EHBP1L1: variants seen among roughly 807,000 people sequenced by gnomAD.
The protein encoded by EHBP1L1 is EH domain binding protein 1 like 1.
A neutral mutation model predicts 151.1 loss-of-function variants in EHBP1L1; 122 were observed. That is an observed-to-expected ratio of 0.81 (90% CI 0.70 to 0.94). The LOEUF (loss-of-function observed/expected upper bound fraction) is 0.94. Among genes scored for constraint, EHBP1L1 ranks in the 40% least tolerant of loss-of-function variants. The pLI, the probability that EHBP1L1 is intolerant of heterozygous loss-of-function variation, is 0.00. For synonymous variants in EHBP1L1, 878 were observed against 810.1 expected (o/e 1.08, Z -1.42); for missense variants, 1,941 against 1,959.8 (o/e 0.99, Z 0.18).
At chr11:65,591,770 C>T (rs1858315049) in intron 16 of EHBP1L1, 30 bp from the exon 17 acceptor site, 5 of 877,570 alleles carry the variant, frequency 5.7e-6, no homozygotes, top group Non-Finnish European at 9.3e-6. Context: ...ACTGCCACCC[C>T]CCCGCCACCC....
chr11:65,592,221 G>A lies in EHBP1L1; in HGVS notation c.4491G>A (p.Glu1497=). 1 of 1,544,520 alleles carries A rather than the reference G, an allele frequency of 6.5e-7. No individual in the cohort carries two copies. Among genetic ancestry groups the A allele is most frequent in the Non-Finnish European group, 8.7e-7 (1 of 1,151,248 alleles). ...HKERIALEED[E]RLERGLEQRR... ...TCCCCAGCGCCCTGGAGGAGGACGAGCGCCTGGAGCGCGGCCTGGAACAGC... is the reference window on the plus strand; with the variant it reads ...TCCCCAGCGCCCTGGAGGAGGACGAACGCCTGGAGCGCGGCCTGGAACAGC... Residue 1497 remains glutamate (E), a synonymous_variant, in exon 19 of 19, where the codon GAG becomes GAA. Coordinates refer to ENST00000309295, the MANE Select transcript of EHBP1L1 (RefSeq NM_001099409.3).
intron 12 of EHBP1L1, among the ~76,000 whole-genome samples, chr11:65,587,507 C>T (rs980760820): frequency 6.6e-6 from 1 of 152,208 alleles, no homozygotes; most frequent in Non-Finnish European, 1.5e-5. Context: ...CCCGTCAGCT[C>T]AGCACTCTTT....
intron 1 of EHBP1L1, among the ~76,000 whole-genome samples, chr11:65,576,746 G>A (rs1029760819): frequency 6.6e-6 from 1 of 152,112 alleles, no homozygotes; most frequent in Non-Finnish European, 1.5e-5. Context: ...CATTGGAAAA[G>A]GGATCAAGTT....
chr11:65,583,337 G>A lies in EHBP1L1; in HGVS notation c.2665G>A (p.Ala889Thr). 1.2e-6 allele frequency: 2 copies of A among 1,613,724 alleles called. No individual in the cohort carries two copies. Among genetic ancestry groups the A allele is most frequent in the South Asian group, 1.1e-5 (1 of 91,072 alleles). The part of the protein sequence containing the change: ...EEAQTSGVQE[A>T]ETRVGSALKY... ...GGCTCAGACTTCGGGGGTCCAGGAA[G>A]CAGAGACTAGAGTTGGGAGTGCTCT... Residue 889 changes from alanine (A) to threonine (T), a missense_variant, in exon 9 of 19, where the codon GCA becomes ACA. Coordinates refer to ENST00000309295, the MANE Select transcript of EHBP1L1 (RefSeq NM_001099409.3).
rs1265004846 is a variant in EHBP1L1, at chr11:65,592,252, C to T, written c.4522C>T (p.Arg1508Cys). The change falls in exon 19 of 19, where the codon CGC becomes TGC. Residue 1508 changes from arginine (R) to cysteine (C), a missense_variant. Transcript: ENST00000309295. ...GGAGCGCGGCCTGGAACAGCGGCGC[C>T]GCAAGCTGAGCCGGCAGTTGAGCCG... Reference protein sequence around the residue: ...RLERGLEQRRRKLSRQLSRRE... With the variant: ...RLERGLEQRRCKLSRQLSRRE... 1.0e-5 allele frequency: 16 copies of T among 1,533,644 alleles called. No individual in the cohort carries two copies. Among genetic ancestry groups the T allele is most frequent in the Non-Finnish European group, 1.3e-5 (15 of 1,146,182 alleles).
chr11:65,590,549 A>G lies in EHBP1L1; in HGVS notation c.4240A>G (p.Lys1414Glu), dbSNP rs1858218524. 3 of 1,613,590 alleles carry G rather than the reference A, an allele frequency of 1.9e-6. No individual in the cohort carries two copies. The highest frequency in any genetic ancestry group is 2.5e-6 in the Non-Finnish European group (3 of 1,179,856). ...CCAGGAGTGGTTCACCCTGGTCAACAAGAAGAACGCTCTCATCCGGAGGCA... is the reference window on the plus strand; with the variant it reads ...CCAGGAGTGGTTCACCCTGGTCAACGAGAAGAACGCTCTCATCCGGAGGCA... ...LIQEWFTLVN[K>E]KNALIRRQDQ... Residue 1414 changes from lysine to glutamate, a missense_variant, in exon 16 of 19, where the codon AAG becomes GAG. Transcript: ENST00000309295.
At chr11:65,587,016 C>CGGCCCT (rs1398548646) in intron 12 of EHBP1L1, among the ~76,000 whole-genome samples, 1 of 152,156 alleles carries the variant, frequency 6.6e-6, no homozygotes, top group African/African-American at 2.4e-5. Flanking sequence ...TGGCCTGGCC[C>CGGCCCT]GGCCCTTGGG....
In EHBP1L1 at chr11:65,585,338, G is replaced by A. The variant is rs1857905397; in HGVS notation, c.3680G>A (p.Arg1227Gln). The change falls in exon 12 of 19, where the codon CGA (arginine) becomes CAA (glutamine). Residue 1227 changes from arginine (R) to glutamine (Q), a missense_variant. Arg to Gln is a conservative substitution (Grantham distance 43, BLOSUM62 1). Coordinates refer to ENST00000309295, the MANE Select transcript of EHBP1L1 (RefSeq NM_001099409.3). This position sits in a 1 kb window ranked among gnomAD's most constrained non-coding sequence, Gnocchi z 4.0. ...ASKDGGAEAP[R>Q]ESRPAEVPAE... is the part of the protein sequence containing the mutation. ...AAGGACGGCGGGGCCGAGGCCCCCC[G>A]AGAGTCGCGACCCGCGGAGGTCCCG... is the stretch of plus-strand genomic sequence containing the variant. 2.9e-6 allele frequency: 3 copies of A among 1,034,050 alleles called. No homozygotes were observed. Among genetic ancestry groups the A allele is most frequent in the Non-Finnish European group, 2.3e-6 (2 of 863,714 alleles). 64.1% of individuals were successfully genotyped at this position (1,034,050 alleles called of 1,614,324 possible). A position where few individuals can be genotyped will look rare whatever the true frequency, so the allele number is the denominator to read the frequency against.
chr11:65,590,049 G>T, intron 14 of EHBP1L1, 38 bp from the exon 15 acceptor site: 3 of 1,612,952 alleles, frequency 1.9e-6, no homozygotes, highest in Non-Finnish European at 2.5e-6. Context: ...CAGGGCCTGG[G>T]CTGAGTCCAC....
At chr11:65,579,579 C>T in intron 3 of EHBP1L1, 143 bp downstream of exon 3, 1 of 696,694 alleles carries the variant, frequency 1.4e-6, no homozygotes, top group Non-Finnish European at 2.3e-6. Flanking sequence ...GCCTGCTCAG[C>T]ATCACTGGCC....
rs150756599 is a variant in EHBP1L1, at chr11:65,585,192, G to C, written c.3534G>C (p.Leu1178=). 28 of 1,232,190 alleles carry C rather than the reference G, an allele frequency of 2.3e-5. No homozygotes were observed. The highest frequency in any genetic ancestry group is 2.6e-5 in the Non-Finnish European group (26 of 984,738). 76.3% of individuals were successfully genotyped at this position (1,232,190 alleles called of 1,614,324 possible). Residue 1178 remains leucine (L), a synonymous_variant, in exon 12 of 19, where the codon CTG becomes CTC. Coordinates refer to ENST00000309295, the MANE Select transcript of EHBP1L1 (RefSeq NM_001099409.3). The surrounding 1 kb of genome is among the most constrained non-coding windows in gnomAD (Gnocchi z 4.0). ...CCGACGACCTGGACGCCGGAGGCCT[G>C]GCGCAGCGGCTGCGCGGTCACGGGG... is the stretch of plus-strand genomic sequence containing the variant. ...SPPDDLDAGG[L]AQRLRGHGAE...
chr11:65,581,972 CAT>C lies in EHBP1L1; in HGVS notation c.1301_1302del (p.His434ArgfsTer4), dbSNP rs755742607. The C allele has an allele frequency of 2.3e-4, 369 of 1,613,816 alleles. No homozygotes were observed. Among genetic ancestry groups the C allele is most frequent in the Non-Finnish European group, 2.2e-4 (255 of 1,179,860 alleles). On this transcript the variant is annotated frameshift_variant, in exon 9 of 19. Coordinates refer to ENST00000309295, the MANE Select transcript of EHBP1L1 (RefSeq NM_001099409.3). LOFTEE classifies it high-confidence loss of function. Reference sequence around the variant, plus strand: ...TGCTGAGCAGAGGTCAAAGGTGAGACATGTGGACACTAAGGGACCAGAGGCGA... The same window carrying C: ...TGCTGAGCAGAGGTCAAAGGTGAGACGTGGACACTAAGGGACCAGAGGCGA... ...VDAEQRSKVRHVDTKGPEATG... is the reference protein window; with the variant it reads ...VDAEQRSKVRXVDTKGPEATG...
Position 65,585,189 on chromosome 11 carries a change from C to A in EHBP1L1, c.3531C>A (p.Gly1177=), listed in dbSNP as rs1019911856. 15 of 1,249,872 alleles carry A rather than the reference C, an allele frequency of 1.2e-5. No individual in the cohort carries two copies. In the East Asian group the frequency reaches 5.9e-4, roughly 49 times the overall value. The allele number at this position is 1,249,872 out of a possible 1,614,324, so 77.4% of individuals were successfully genotyped here. A position where few individuals can be genotyped will look rare whatever the true frequency, so the allele number is the denominator to read the frequency against. ...CGCCCGACGACCTGGACGCCGGAGG[C>A]CTGGCGCAGCGGCTGCGCGGTCACG... ...PSPPDDLDAG[G]LAQRLRGHGA... is the part of the protein sequence containing the mutation. Residue 1177 remains glycine, a synonymous_variant, in exon 12 of 19, where the codon GGC becomes GGA. Coordinates refer to ENST00000309295, the MANE Select transcript of EHBP1L1 (RefSeq NM_001099409.3). The surrounding 1 kb of genome is among the most constrained non-coding windows in gnomAD (Gnocchi z 4.0).
Position 65,584,315 on chromosome 11 carries a change from C to T in EHBP1L1, c.3168C>T (p.Gly1056=), listed in dbSNP as rs370798461. The change falls in exon 10 of 19, where the codon GGC becomes GGT. Residue 1056 remains glycine (G), a synonymous_variant. Coordinates refer to ENST00000309295, the MANE Select transcript of EHBP1L1 (RefSeq NM_001099409.3). ...AGGAAGTCACCACTGGCTACCGTGG[C>T]GTCCGCATCACCAACTTCACCACAT... ...WCQEVTTGYR[G]VRITNFTTSW... is the part of the protein sequence containing the mutation. 1.7e-5 allele frequency: 28 copies of T among 1,611,398 alleles called. No individual in the cohort carries two copies. Among genetic ancestry groups the T allele is most frequent in the East Asian group, 4.5e-5 (2 of 44,838 alleles).
intron 16 of EHBP1L1, 53 bp downstream of exon 16, chr11:65,590,645 T>TA: frequency 1.3e-6 from 2 of 1,496,470 alleles, no homozygotes; most frequent in Non-Finnish European, 1.8e-6. Flanking sequence ...CTACTTTGGT[T>TA]AGAGTTCTTC....
chr11:65,583,679 C>T lies in EHBP1L1; in HGVS notation c.3007C>T (p.Gln1003Ter), dbSNP rs1267149157. Residue 1003 changes from glutamine to a stop codon, truncating the protein, a stop_gained, in exon 9 of 19, where the codon CAG (glutamine) becomes TAG (stop). Transcript: ENST00000309295. LOFTEE classifies it high-confidence loss of function. Reference protein sequence around the residue: ...SLTEASLPEAQVASGAGAGAP... With the variant: ...SLTEASLPEA ...CACAGAGGCCAGCCTGCCTGAAGCA[C>T]AGGTGGCCAGTGGGGCAGGGGCTGG... 1.3e-6 allele frequency: 2 copies of T among 1,581,528 alleles called. No homozygotes were observed. The highest frequency in any genetic ancestry group is 2.3e-5 in the East Asian group (1 of 43,378).
At position 65,591,786 on chromosome 11, in the gene EHBP1L1, C is replaced by CCCCCCCCCCCA; in HGVS notation, c.4284-13_4284-12insCCCCCCCCCAC. 1 of 1,532,406 alleles carries CCCCCCCCCCCA rather than the reference C, an allele frequency of 6.5e-7. No homozygotes were observed. Among genetic ancestry groups the CCCCCCCCCCCA allele is most frequent in the Non-Finnish European group, 8.8e-7 (1 of 1,133,764 alleles). 94.9% of individuals were successfully genotyped at this position (1,532,406 alleles called of 1,614,324 possible). A position where few individuals can be genotyped will look rare whatever the true frequency, so the allele number is the denominator to read the frequency against. ...CTGCCACCCCCCCGCCACCCACCCCCCGCCACCTTCCAGCATGGAGGAGCA... is the reference window on the plus strand; with the variant it reads ...CTGCCACCCCCCCGCCACCCACCCCCCCCCCCCCCCACGCCACCTTCCAGCATGGAGGAGCA... On this transcript the variant is annotated splice_polypyrimidine_tract_variant and intron_variant, in intron 16 of 18. Transcript: ENST00000309295.
At position 65,584,697 on chromosome 11, in the gene EHBP1L1, CGTTT is replaced by C. The variant is rs892636382; in HGVS notation, c.3300+172_3300+175del. On this transcript the variant is annotated intron_variant, in intron 11 of 18. Coordinates refer to ENST00000309295, the MANE Select transcript of EHBP1L1 (RefSeq NM_001099409.3). Reference sequence around the variant, plus strand: ...TTAAATTGTTTGTTTTCCTTATTTTCGTTTGTTTGTTTTAAAGCGTTTTTCCTCC... The same window carrying C: ...TTAAATTGTTTGTTTTCCTTATTTTCGTTTGTTTTAAAGCGTTTTTCCTCC... The C allele has an allele frequency of 2.6e-5, 29 of 1,135,530 alleles. 1 individual carries two copies. The highest frequency in any genetic ancestry group is 5.6e-4 in the Middle Eastern group (2 of 3,548). 70.3% of individuals were successfully genotyped at this position (1,135,530 alleles called of 1,614,324 possible). A position where few individuals can be genotyped will look rare whatever the true frequency, so the allele number is the denominator to read the frequency against.
Position 65,591,995 on chromosome 11 carries a change from T to TCAG in EHBP1L1, c.4383_4385dup (p.Gln1461dup), listed in dbSNP as rs1191775208. 1.9e-6 allele frequency: 3 copies of TCAG among 1,612,692 alleles called. No individual in the cohort carries two copies. In the South Asian group the frequency reaches 3.3e-5, roughly 18 times the overall value. ...CCTCAGACTGGCAGAAAACGTCCGCTCAGCAGCACCGAGAGCAGCTCCTAC... is the reference window on the plus strand; with the variant it reads ...CCTCAGACTGGCAGAAAACGTCCGCTCAGCAGCAGCACCGAGAGCAGCTCCTAC... On this transcript the variant is annotated inframe_insertion, in exon 18 of 19. Coordinates refer to ENST00000309295, the MANE Select transcript of EHBP1L1 (RefSeq NM_001099409.3).
Sources: allele counts gnomAD v4.1 joint callset (sites outside exome capture counted in the v4.1 genomes callset), GRCh38; gene constraint gnomAD v4.1.1; non-coding constraint Gnocchi (gnomAD v3.1); transcripts MANE v1.5; gene names NCBI Gene and HGNC (gene_info 2026-07-23, HGNC 2026-07-21).